Variants in GRID1 observed in about 807,000 individuals in gnomAD.
The protein encoded by GRID1 is glutamate receptor ionotropic, delta-1.
In GRID1, 28 loss-of-function variants were observed where a neutral mutation model predicts 98.0. The ratio of observed to expected loss-of-function variants is 0.29; its 90% CI spans 0.21 to 0.39. GRID1 has a LOEUF of 0.39. Among genes scored for constraint, GRID1 ranks in the 10% least tolerant of loss-of-function variants. The probability of loss-of-function intolerance (pLI) is 1.00; values close to 1 mark genes in which losing one functional copy is unlikely to be tolerated. For synonymous variants in GRID1, 553 were observed against 538.5 expected, an observed-to-expected ratio of 1.03 and a Z score of -0.37; for missense variants, 1,111 against 1,340.5, an observed-to-expected ratio of 0.83 and a Z score of 2.67.
At chr10:86,080,063 G>A (rs945640101) in intron 4 of GRID1, among the ~76,000 whole-genome samples, 1 of 152,126 alleles carries the variant, frequency 6.6e-6, no homozygotes, top group Non-Finnish European at 1.5e-5. Flanking sequence ...GCCTGGCACG[G>A]TGGCTCACGC....
intron 4 of GRID1, among the ~76,000 whole-genome samples, chr10:86,105,416 G>A (rs1844367108): frequency 6.6e-6 from 1 of 152,196 alleles, no homozygotes; most frequent in African/African-American, 2.4e-5. Context: ...TGTTACAGAT[G>A]CCCTGTTTGA....
intron 4 of GRID1, among the ~76,000 whole-genome samples, chr10:86,136,812 AG>A (rs1440469689): frequency 6.6e-6 from 1 of 152,226 alleles, no homozygotes; most frequent in Non-Finnish European, 1.5e-5. Flanking sequence ...AAGAAACTGT[AG>A]AATACTAGAG....
chr10:85,905,208 G>A lies in GRID1; in HGVS notation c.780+10978C>T, dbSNP rs1166656146. 2.0e-5 allele frequency among the ~76,000 whole-genome samples: 3 copies of A among 151,834 alleles called. No individual in the cohort carries two copies. The East Asian group carries it at 5.8e-4, about 29-fold the overall frequency. On this transcript the variant is annotated intron_variant, in intron 5 of 15. Coordinates refer to ENST00000327946, the MANE Select transcript of GRID1 (RefSeq NM_017551.3). ...ATGCTTATCAGTAATAATATGAGGA[G>A]GAAGATAGTAAGGCAACATTTTTAA... is the stretch of plus-strand genomic sequence containing the variant.
Position 86,073,784 on chromosome 10 carries a change from C to A in GRID1, c.726+65035G>T, listed in dbSNP as rs529823133. 2.7e-3 allele frequency among the ~76,000 whole-genome samples: 407 copies of A among 152,312 alleles called. 2 individuals are homozygous for A. The highest frequency in any genetic ancestry group is 2.7e-3 in the Non-Finnish European group (185 of 68,036). ...CAGAGCAAGATTAAGGACCTGGACA[C>A]AACAGAGGGTCAAAAAGAAGAGACC... is the stretch of plus-strand genomic sequence containing the variant. On this transcript the variant is annotated intron_variant, in intron 4 of 15. Transcript: ENST00000327946.
At chr10:86,097,283 G>C (rs1223896854) in intron 4 of GRID1, among the ~76,000 whole-genome samples, 2 of 152,200 alleles carry the variant, frequency 1.3e-5, no homozygotes, top group African/African-American at 4.8e-5. Context: ...AGATGAGAGA[G>C]GATTTATTAG....
chr10:86,213,845 G>A lies in GRID1; in HGVS notation c.236-7197C>T, dbSNP rs111820920. 4.9e-4 allele frequency among the ~76,000 whole-genome samples: 75 copies of A among 152,032 alleles called. No individual in the cohort carries two copies. The East Asian group carries it at 7.1e-3, about 14-fold the overall frequency. The stretch of plus-strand genomic sequence containing the variant: ...CCTAGGGTGTGAGTCTGTTCTTCCC[G>A]GTCTCCCAAACTCAGTAAAGTGGTG... On this transcript the variant is annotated intron_variant, in intron 2 of 15. Coordinates refer to ENST00000327946, the MANE Select transcript of GRID1 (RefSeq NM_017551.3).
At chr10:86,165,611 G>A (rs968964561) in intron 3 of GRID1, among the ~76,000 whole-genome samples, 16 of 152,186 alleles carry the variant, frequency 1.1e-4, no homozygotes, top group Admixed American at 3.3e-4. Context: ...GTGGTAAGTC[G>A]TTTCCAGTTC....
intron 7 of GRID1, 113 bp from the exon 8 acceptor site, chr10:85,854,728 G>A: frequency 9.8e-7 from 1 of 1,018,986 alleles, no homozygotes. Flanking sequence ...TCAGTTTTGA[G>A]ACCATGGACA....
At chr10:85,766,115 C>A (rs1165270668) in intron 8 of GRID1, among the ~76,000 whole-genome samples, 1 of 152,186 alleles carries the variant, frequency 6.6e-6, no homozygotes, top group East Asian at 1.9e-4. Context: ...TTGAAATAAA[C>A]CAAGTAAGAA....
chr10:85,808,198 G>A (rs141544741), intron 8 of GRID1, among the ~76,000 whole-genome samples: 235 of 152,224 alleles, frequency 1.5e-3, no homozygotes, highest in African/African-American at 5.1e-3. Flanking sequence ...ATGGCAGGAG[G>A]CCCATATTCA....
At chr10:86,128,321 T>A (rs888843741) in intron 4 of GRID1, among the ~76,000 whole-genome samples, 1 of 152,158 alleles carries the variant, frequency 6.6e-6, no homozygotes, top group Non-Finnish European at 1.5e-5. Context: ...CCTGTGCCCA[T>A]GTACCCAGGG....
At chr10:85,764,630 C>T (rs968121430) in intron 8 of GRID1, among the ~76,000 whole-genome samples, 6 of 152,222 alleles carry the variant, frequency 3.9e-5, no homozygotes, top group Non-Finnish European at 5.9e-5. Flanking sequence ...CTCACAAACA[C>T]ATGTGGGCTT....
chr10:85,804,052 T>A (rs1307909969), intron 8 of GRID1, among the ~76,000 whole-genome samples: 4 of 150,056 alleles, frequency 2.7e-5, no homozygotes, highest in Non-Finnish European at 4.5e-5. Flanking sequence ...GGGATATCAA[T>A]GAAATTGAAA....
chr10:85,653,554 T>C (rs1840855476), intron 12 of GRID1, among the ~76,000 whole-genome samples: 1 of 152,296 alleles, frequency 6.6e-6, no homozygotes, highest in Non-Finnish European at 1.5e-5. Flanking sequence ...AAGGGGATGC[T>C]GGGGTGTACA....
intron 3 of GRID1, among the ~76,000 whole-genome samples, chr10:86,191,548 C>T (rs1167342517): frequency 1.3e-5 from 2 of 151,884 alleles, no homozygotes; most frequent in Non-Finnish European, 2.9e-5. Flanking sequence ...CCACTGACCA[C>T]TGAGAAGCAT....
rs769916688 is a variant in GRID1, at chr10:85,724,541, G to C, written c.1669C>G (p.Leu557Val). Reference protein sequence around the residue: ...KPEEKISIFSLFAPFDFAVWA... With the variant: ...KPEEKISIFSVFAPFDFAVWA... ...ACAGCGAAATCAAATGGAGCAAAGA[G>C]GGAGAAGATGCTGATTTTCTCCTCG... The change falls in exon 11 of 16, where the codon CTC becomes GTC. Residue 557 changes from leucine to valine, a missense_variant. By Grantham distance (32) the Leu-to-Val change is conservative. This residue lies in a region of GRID1 where 762 missense variants were observed against 869.1 expected (regional missense o/e 0.88). Coordinates refer to ENST00000327946, the MANE Select transcript of GRID1 (RefSeq NM_017551.3). The C allele has an allele frequency of 1.9e-6, 3 of 1,613,692 alleles. No homozygotes were observed. In the African/African-American group the frequency reaches 4.0e-5, roughly 22 times the overall value.
chr10:86,052,622 T>C (rs545812915), intron 4 of GRID1: 1 of 152,144 alleles, frequency 6.6e-6, no homozygotes, highest in Admixed American at 6.5e-5. Flanking sequence ...GATAACTAAA[T>C]GTTAATGGAA....
chr10:86,178,500 C>T (rs1299700320), intron 3 of GRID1, among the ~76,000 whole-genome samples: 2 of 152,150 alleles, frequency 1.3e-5, no homozygotes, highest in African/African-American at 2.4e-5. Flanking sequence ...CAGGTTCAAG[C>T]TCATAGGCCA....
intron 4 of GRID1, among the ~76,000 whole-genome samples, chr10:86,125,119 G>C (rs1166265671): frequency 6.6e-6 from 1 of 152,234 alleles, no homozygotes; most frequent in Non-Finnish European, 1.5e-5. Context: ...CCCTGGACGT[G>C]CTGCACCCAC....
Sources: allele counts gnomAD v4.1 joint callset (sites outside exome capture counted in the v4.1 genomes callset), GRCh38; gene constraint gnomAD v4.1.1; regional missense constraint gnomAD v4.1.1; transcripts MANE v1.5; gene names NCBI Gene and HGNC (gene_info 2026-07-23, HGNC 2026-07-21).